Variants in TSHZ2 observed in about 807,000 individuals in gnomAD.
TSHZ2 encodes teashirt homolog 2.
TSHZ2 carries 21 observed loss-of-function variants against 74.4 expected under a neutral mutation model. The ratio of observed to expected loss-of-function variants is 0.28; its 90% CI spans 0.20 to 0.41. The LOEUF (loss-of-function observed/expected upper bound fraction) is 0.41, where lower values mean the gene tolerates loss of function less well. Among genes scored for constraint, TSHZ2 ranks in the 10% least tolerant of loss-of-function variants. The probability of loss-of-function intolerance (pLI) is 1.00; values close to 1 mark genes in which losing one functional copy is unlikely to be tolerated. For synonymous variants in TSHZ2, 540 were observed against 515.3 expected (o/e 1.05, Z -0.65); for missense variants, 1,244 against 1,293.5 (o/e 0.96, Z 0.59).
intron 1 of TSHZ2, among the ~76,000 whole-genome samples, chr20:53,054,629 C>A (rs189931178): frequency 3.2e-4 from 48 of 152,264 alleles, no homozygotes; most frequent in African/African-American, 7.5e-4. Context: ...TGAGTCTTTG[C>A]CGCCCTAGGA....
rs778769992 is a variant in TSHZ2 at position 53,254,747 on chromosome 20, A to C, written c.1289A>C (p.Gln430Pro). ...VLDPLAVEKM[Q>P]SLSEAPNSDS... The stretch of plus-strand genomic sequence containing the variant: ...GACCCGTTAGCAGTGGAGAAAATGC[A>C]GTCGTTGTCTGAGGCCCCAAACAGT... The change falls in exon 2 of 3, where the codon CAG becomes CCG. Residue 430 changes from glutamine to proline, a missense_variant. Transcript: ENST00000371497. 1 of 1,613,394 alleles carries C rather than the reference A, an allele frequency of 6.2e-7. No individual in the cohort carries two copies. The highest frequency in any genetic ancestry group is 1.3e-5 in the African/African-American group (1 of 74,918).
At chr20:53,070,554 T>G (rs1412268563) in intron 1 of TSHZ2, among the ~76,000 whole-genome samples, 1 of 152,176 alleles carries the variant, frequency 6.6e-6, no homozygotes, top group Non-Finnish European at 1.5e-5. Flanking sequence ...TGCTTTGGGG[T>G]CAGGCCTCTG....
At chr20:53,386,696 CATT>C (rs1475196879) in intron 2 of TSHZ2, among the ~76,000 whole-genome samples, 7 of 152,258 alleles carry the variant, frequency 4.6e-5, no homozygotes, top group African/African-American at 1.7e-4. Context: ...GTGTATAAAA[CATT>C]AGTCTAAGAA....
chr20:53,136,786 C>G (rs1987255594), intron 1 of TSHZ2, among the ~76,000 whole-genome samples: 1 of 151,488 alleles, frequency 6.6e-6, no homozygotes, highest in African/African-American at 2.4e-5. Context: ...CACATTACAC[C>G]ATTACAGGAA....
chr20:53,199,559 A>G (rs1158363235), intron 1 of TSHZ2, among the ~76,000 whole-genome samples: 1 of 152,238 alleles, frequency 6.6e-6, no homozygotes, highest in African/African-American at 2.4e-5. Flanking sequence ...CAGTCTTCAA[A>G]GCCAGAGACA....
At chr20:53,247,723 A>T (rs1376466609) in intron 1 of TSHZ2, among the ~76,000 whole-genome samples, 3 of 152,190 alleles carry the variant, frequency 2.0e-5, no homozygotes, top group African/African-American at 7.2e-5. Context: ...TTAAACAGTC[A>T]TTTAGTGCGG....
At chr20:53,294,905 T>C (rs1034961129) in intron 2 of TSHZ2, among the ~76,000 whole-genome samples, 3 of 152,148 alleles carry the variant, frequency 2.0e-5, no homozygotes, top group African/African-American at 7.2e-5. Flanking sequence ...CCAACAACAC[T>C]ACTGCGGTTA....
At chr20:53,403,888 T>C (rs1172164722) in intron 2 of TSHZ2, among the ~76,000 whole-genome samples, 3 of 152,218 alleles carry the variant, frequency 2.0e-5, no homozygotes, top group Non-Finnish European at 4.4e-5. Context: ...CTTTACACTT[T>C]TGATTACTAA....
Position 53,062,860 on chromosome 20 carries a change from C to T in TSHZ2, c.40+89527C>T, listed in dbSNP as rs1229557204. ...TCAGCTTTCAACATGGCCTTCCCAACTCAGCTTAGTCATTTCTAGCCTTTA... is the reference window on the plus strand; with the variant it reads ...TCAGCTTTCAACATGGCCTTCCCAATTCAGCTTAGTCATTTCTAGCCTTTA... On this transcript the variant is annotated intron_variant, in intron 1 of 2. Transcript: ENST00000371497. Among the ~76,000 whole-genome samples, 50 of 152,176 alleles carry T rather than the reference C, an allele frequency of 3.3e-4. 1 individual carries two copies. Among genetic ancestry groups the T allele is most frequent in the Admixed American group, 3.3e-3 (50 of 15,268 alleles).
chr20:53,375,051 C>T (rs1210191530), intron 2 of TSHZ2, among the ~76,000 whole-genome samples: 1 of 151,736 alleles, frequency 6.6e-6, no homozygotes, highest in East Asian at 1.9e-4. Context: ...ATTACATATA[C>T]ACATGTGTAC....
intron 1 of TSHZ2, among the ~76,000 whole-genome samples, chr20:53,190,086 AATATATATATATATATATATAT>A (rs544193424): frequency 0.031 from 778 of 25,102 alleles, 64 homozygotes; most frequent in African/African-American, 0.055. Flanking sequence ...CCCTGTCTCA[AATATATATATATATATATATAT>A]ATATATATAT....
intron 1 of TSHZ2, among the ~76,000 whole-genome samples, chr20:53,236,043 G>A (rs139802342): frequency 5.3e-4 from 81 of 152,320 alleles, no homozygotes; most frequent in African/African-American, 1.9e-3. Context: ...CACCAACACA[G>A]CTGAATCCAG....
At chr20:53,385,775 G>A (rs1568894790) in intron 2 of TSHZ2, among the ~76,000 whole-genome samples, 1 of 152,082 alleles carries the variant, frequency 6.6e-6, no homozygotes, top group East Asian at 1.9e-4. Flanking sequence ...GGATAACAAC[G>A]AGGAACAAAG....
chr20:53,189,649 T>G (rs915485910), intron 1 of TSHZ2, among the ~76,000 whole-genome samples: 1 of 152,162 alleles, frequency 6.6e-6, no homozygotes, highest in Non-Finnish European at 1.5e-5. Flanking sequence ...AAGAGCCACG[T>G]GAGCAGAGAT....
chr20:53,469,456 A>G (rs1201301828), intron 2 of TSHZ2, among the ~76,000 whole-genome samples: 1 of 152,018 alleles, frequency 6.6e-6, no homozygotes, highest in East Asian at 1.9e-4. Context: ...AGGCATGAGA[A>G]TCACTTGAAC....
intron 2 of TSHZ2, among the ~76,000 whole-genome samples, chr20:53,423,320 G>C (rs1480323339): frequency 6.6e-6 from 1 of 152,118 alleles, no homozygotes; most frequent in Admixed American, 6.5e-5. Context: ...GGAAGCAGAG[G>C]TTGTAGTGAG....
chr20:53,250,985 C>CAAA (rs1410275958), intron 1 of TSHZ2, among the ~76,000 whole-genome samples: 1 of 151,798 alleles, frequency 6.6e-6, no homozygotes, highest in Non-Finnish European at 1.5e-5. Context: ...AATGTACACA[C>CAAA]AAAATAACAT....
intron 1 of TSHZ2, among the ~76,000 whole-genome samples, chr20:53,207,549 ATCT>A (rs1989199004): frequency 6.6e-6 from 1 of 152,202 alleles, no homozygotes. Context: ...GCAGAGGCCT[ATCT>A]GACCCCAGTT....
intron 2 of TSHZ2, among the ~76,000 whole-genome samples, chr20:53,305,060 C>T (rs549166514): frequency 4.6e-5 from 7 of 152,098 alleles, no homozygotes; most frequent in African/African-American, 9.6e-5. Flanking sequence ...CTCAGCCTCC[C>T]AAGTAGCTGG....
Sources: allele counts gnomAD v4.1 joint callset (sites outside exome capture counted in the v4.1 genomes callset), GRCh38; gene constraint gnomAD v4.1.1; transcripts MANE v1.5; gene names NCBI Gene and HGNC (gene_info 2026-07-23, HGNC 2026-07-21).